GAB2: variants seen among roughly 807,000 people sequenced by gnomAD.
GAB2 encodes GRB2-associated-binding protein 2.
GAB2 carries 26 observed loss-of-function variants against 65.5 expected under a neutral mutation model. The ratio of observed to expected loss-of-function variants is 0.40; its 90% CI spans 0.29 to 0.55. The LOEUF (loss-of-function observed/expected upper bound fraction) is 0.55. Among genes scored for constraint, GAB2 ranks in the 20% least tolerant of loss-of-function variants. The pLI is 0.53. For synonymous variants in GAB2, 321 were observed against 329.6 expected (o/e 0.97, Z 0.28); for missense variants, 884 against 875.8 (o/e 1.01, Z -0.12).
chr11:78,396,208 T>C (rs1297941431), intron 1 of GAB2, among the ~76,000 whole-genome samples: 3 of 152,088 alleles, frequency 2.0e-5, no homozygotes, highest in Non-Finnish European at 2.9e-5. Flanking sequence ...CAAAGCAAAG[T>C]TTCACCGTAG....
In GAB2 at chr11:78,307,604, T is replaced by TAGAG. The variant is rs59402607; in HGVS notation, c.76-26707_76-26704dup. Among the ~76,000 whole-genome samples the TAGAG allele has an allele frequency of 3.7e-3, 447 of 121,926 alleles. 8 individuals carry two copies. Among genetic ancestry groups the TAGAG allele is most frequent in the South Asian group, 0.016 (58 of 3,686 alleles). The allele number at this position is 121,926 out of a possible 152,430, so 80.0% of individuals were successfully genotyped here. A position where few individuals can be genotyped will look rare whatever the true frequency, so the allele number is the denominator to read the frequency against. ...GAGATCCCATCTCTACAAAAAATGT[T>TAGAG]AGAGAGAGAGAGAGAGAGAGAGAGA... On this transcript the variant is annotated intron_variant, in intron 1 of 9. Coordinates refer to ENST00000361507, the MANE Select transcript of GAB2 (RefSeq NM_080491.3).
intron 1 of GAB2, among the ~76,000 whole-genome samples, chr11:78,308,562 A>G (rs966672458): frequency 2.0e-5 from 3 of 152,252 alleles, no homozygotes; most frequent in Non-Finnish European, 4.4e-5. Context: ...AGAAAACACA[A>G]CCAAGCTATA....
chr11:78,400,901 CAAAA>C (rs59240034), intron 1 of GAB2, among the ~76,000 whole-genome samples: 2,347 of 65,186 alleles, frequency 0.036, 53 homozygotes, highest in African/African-American at 0.13. Flanking sequence ...GAGACTGTCT[CAAAA>C]AAAAAAAAAA....
At chr11:78,281,533 A>G (rs537554868) in intron 1 of GAB2, among the ~76,000 whole-genome samples, 1 of 152,336 alleles carries the variant, frequency 6.6e-6, no homozygotes, top group East Asian at 1.9e-4. Context: ...GGCATGAGCC[A>G]CCATGCCCAG....
chr11:78,258,426 C>T (rs2134540403), intron 2 of GAB2, among the ~76,000 whole-genome samples: 1 of 152,334 alleles, frequency 6.6e-6, no homozygotes. Context: ...TTCACATAAT[C>T]TATGGCTCCA....
At chr11:78,263,624 CTCTG>C (rs1403908733) in intron 2 of GAB2, among the ~76,000 whole-genome samples, 2 of 139,490 alleles carry the variant, frequency 1.4e-5, no homozygotes, top group African/African-American at 5.7e-5. Context: ...CAGAGTGAGA[CTCTG>C]TCTGGGGGAA....
chr11:78,244,351 C>T (rs902911272), intron 3 of GAB2, among the ~76,000 whole-genome samples: 2 of 151,688 alleles, frequency 1.3e-5, no homozygotes, highest in Admixed American at 1.3e-4. Context: ...AAGATCGCAC[C>T]ATTGCACTCC....
chr11:78,229,590 C>T (rs751898193), intron 3 of GAB2, among the ~76,000 whole-genome samples: 1 of 152,178 alleles, frequency 6.6e-6, no homozygotes, highest in Non-Finnish European at 1.5e-5. Flanking sequence ...TGATTTCTGC[C>T]CAGGGCCTCT....
chr11:78,317,547 A>G (rs1855633990), intron 1 of GAB2, among the ~76,000 whole-genome samples: 1 of 129,866 alleles, frequency 7.7e-6, no homozygotes, highest in Non-Finnish European at 1.6e-5. Context: ...CAACAGTGCG[A>G]GACTCCGTCT....
intron 1 of GAB2, among the ~76,000 whole-genome samples, chr11:78,391,382 C>G (rs1565182576): frequency 6.6e-6 from 1 of 152,206 alleles, no homozygotes; most frequent in Non-Finnish European, 1.5e-5. Context: ...TCTATGTTCC[C>G]TTTCCATGAA....
At chr11:78,342,637 T>C (rs1426691864) in intron 1 of GAB2, among the ~76,000 whole-genome samples, 1 of 152,200 alleles carries the variant, frequency 6.6e-6, no homozygotes, top group Non-Finnish European at 1.5e-5. Flanking sequence ...CTCCATCTCC[T>C]GACCTCGTGA....
intron 1 of GAB2, among the ~76,000 whole-genome samples, chr11:78,307,463 A>G (rs886070349): frequency 6.6e-6 from 1 of 152,176 alleles, no homozygotes; most frequent in East Asian, 1.9e-4. Context: ...AGAAAAAAAA[A>G]TGTTAAGGAC....
chr11:78,231,361 G>A (rs1187730734), intron 3 of GAB2, among the ~76,000 whole-genome samples: 1 of 152,058 alleles, frequency 6.6e-6, no homozygotes, highest in Non-Finnish European at 1.5e-5. Flanking sequence ...GTGTGTGTGT[G>A]TGTGTGTGTC....
intron 1 of GAB2, among the ~76,000 whole-genome samples, chr11:78,407,670 A>AAAGT (rs1857067713): frequency 1.4e-5 from 2 of 141,276 alleles, no homozygotes; most frequent in African/African-American, 6.2e-5. Context: ...AGAAAGAAAG[A>AAAGT]AAGAAAGAAA....
chr11:78,411,118 C>T (rs564115583), intron 1 of GAB2, among the ~76,000 whole-genome samples: 29 of 143,850 alleles, frequency 2.0e-4, no homozygotes, highest in Non-Finnish European at 4.0e-4. Context: ...GTGCCACTGT[C>T]GCCAGCCTGT....
rs145573768 is a variant in GAB2, at chr11:78,220,420, C to T, written c.1786G>A (p.Val596Ile). 1.7e-5 allele frequency: 27 copies of T among 1,587,228 alleles called. No homozygotes were observed. Among genetic ancestry groups the T allele is most frequent in the Middle Eastern group, 1.7e-4 (1 of 5,994 alleles). ...GCAGGACTGTTCGTGCCACTGGGAA[C>T]GGGAGATGCAGACACTGGGTTTTGC... Reference protein sequence around the residue: ...PMQNPVSASPVPSGTNSPAPK... With the variant: ...PMQNPVSASPIPSGTNSPAPK... Residue 596 changes from valine (V) to isoleucine (I), a missense_variant, in exon 9 of 10, where the codon GTT (valine) becomes ATT (isoleucine). Physicochemically the swap from Val to Ile is conservative, Grantham distance 29. Transcript: ENST00000361507.
intron 1 of GAB2, among the ~76,000 whole-genome samples, chr11:78,311,992 A>G (rs111812450): frequency 6.6e-6 from 1 of 152,134 alleles, no homozygotes; most frequent in Admixed American, 6.5e-5. Flanking sequence ...AGTGATAGAC[A>G]TCAGCTTCAT....
At chr11:78,411,967 T>C (rs768386510) in intron 1 of GAB2, among the ~76,000 whole-genome samples, 14 of 151,804 alleles carry the variant, frequency 9.2e-5, no homozygotes, top group Non-Finnish European at 2.1e-4. Context: ...GAGGCAGAGG[T>C]TGCAGTGAGC....
intron 1 of GAB2, among the ~76,000 whole-genome samples, chr11:78,305,164 T>C (rs367554907): frequency 2.0e-5 from 3 of 152,296 alleles, no homozygotes; most frequent in African/African-American, 4.8e-5. Context: ...GGGATTATCA[T>C]AATCATTTTA....
Sources: allele counts gnomAD v4.1 joint callset (sites outside exome capture counted in the v4.1 genomes callset), GRCh38; gene constraint gnomAD v4.1.1; transcripts MANE v1.5; gene names NCBI Gene and HGNC (gene_info 2026-07-23, HGNC 2026-07-21).